Variants in PIP5K1B observed in about 807,000 individuals in gnomAD.
The protein encoded by PIP5K1B is phosphatidylinositol-4-phosphate 5-kinase type 1 beta.
In PIP5K1B, 42 loss-of-function variants were observed where a neutral mutation model predicts 67.0. That is an observed-to-expected ratio of 0.63 (90% CI 0.49 to 0.81). The LOEUF is 0.81. Among genes scored for constraint, PIP5K1B ranks in the 30% least tolerant of loss-of-function variants. The pLI is 0.00. For missense variants in PIP5K1B, 459 were observed against 646.3 expected, an observed-to-expected ratio of 0.71 and a Z score of 3.14; for synonymous variants, 214 against 231.4, an observed-to-expected ratio of 0.92 and a Z score of 0.68.
intron 2 of PIP5K1B, among the ~76,000 whole-genome samples, chr9:68,798,988 T>C (rs1003419968): frequency 6.6e-6 from 1 of 152,228 alleles, no homozygotes. Flanking sequence ...TGAAGTTTAC[T>C]GACTTGAGTA....
intron 4 of PIP5K1B, among the ~76,000 whole-genome samples, chr9:68,860,237 C>T (rs572834355): frequency 3.0e-4 from 46 of 152,054 alleles, no homozygotes; most frequent in African/African-American, 1.0e-3. Flanking sequence ...CATTCTACTT[C>T]GAGTTCAACA....
At position 68,857,507 on chromosome 9, in the gene PIP5K1B, T is replaced by A. The variant is rs76987029; in HGVS notation, c.70-6330T>A. Among the ~76,000 whole-genome samples, 379 of 152,302 alleles carry A rather than the reference T, an allele frequency of 2.5e-3. 2 individuals are homozygous for A. The highest frequency in any genetic ancestry group is 3.8e-3 in the Non-Finnish European group (261 of 68,028). On this transcript the variant is annotated intron_variant, in intron 4 of 15. Coordinates refer to ENST00000265382, the MANE Select transcript of PIP5K1B (RefSeq NM_003558.4). Reference sequence around the variant, plus strand: ...GTGGGACAAATAAGTGGACTATGACTTGTTTCTTGAGTATAGGTTCACGGA... The same window carrying A: ...GTGGGACAAATAAGTGGACTATGACATGTTTCTTGAGTATAGGTTCACGGA...
chr9:68,931,706 G>T (rs1410922731), intron 12 of PIP5K1B, among the ~76,000 whole-genome samples: 1 of 152,212 alleles, frequency 6.6e-6, no homozygotes, highest in African/African-American at 2.4e-5. Context: ...AACATGGTAG[G>T]TTCCAATATG....
At chr9:68,848,800 A>C (rs1398439020) in intron 4 of PIP5K1B, among the ~76,000 whole-genome samples, 2 of 152,246 alleles carry the variant, frequency 1.3e-5, no homozygotes, top group Non-Finnish European at 2.9e-5. Context: ...ATTGCTGTAA[A>C]ATAATTGAAC....
intron 4 of PIP5K1B, among the ~76,000 whole-genome samples, chr9:68,861,925 G>A (rs887934083): frequency 2.7e-5 from 4 of 150,610 alleles, no homozygotes; most frequent in Non-Finnish European, 4.4e-5. Context: ...AAGAAACACT[G>A]AATGCACTGT....
intron 7 of PIP5K1B, among the ~76,000 whole-genome samples, chr9:68,889,755 G>T (rs1167648453): frequency 2.8e-5 from 4 of 140,962 alleles, no homozygotes; most frequent in Non-Finnish European, 6.2e-5. Context: ...AAAAAAAAAA[G>T]CTGGGAAATA....
chr9:68,957,903 T>TG (rs1414666037), intron 14 of PIP5K1B, among the ~76,000 whole-genome samples: 14 of 151,946 alleles, frequency 9.2e-5, no homozygotes, highest in African/African-American at 3.1e-4. Context: ...AGACAAGGTC[T>TG]GGCTCTGTTG....
intron 6 of PIP5K1B, among the ~76,000 whole-genome samples, chr9:68,878,858 A>G (rs1418292834): frequency 6.6e-6 from 1 of 152,218 alleles, no homozygotes; most frequent in Non-Finnish European, 1.5e-5. Flanking sequence ...CTTAAAAACT[A>G]CGAGGGATTT....
intron 2 of PIP5K1B, among the ~76,000 whole-genome samples, chr9:68,813,143 T>G (rs920025647): frequency 6.6e-6 from 1 of 152,168 alleles, no homozygotes; most frequent in African/African-American, 2.4e-5. Flanking sequence ...GGAAGACATT[T>G]CTGGACATGG....
At chr9:68,914,702 A>G (rs918462847) in intron 8 of PIP5K1B, among the ~76,000 whole-genome samples, 2 of 151,936 alleles carry the variant, frequency 1.3e-5, no homozygotes, top group South Asian at 4.2e-4. Context: ...GCAACAGAGC[A>G]AGACTCCATC....
At chr9:68,824,339 A>T in intron 4 of PIP5K1B, 2 of 491,158 alleles carry the variant, frequency 4.1e-6, no homozygotes, top group South Asian at 1.5e-5. Context: ...AGAGTTTGCT[A>T]AGTGTACCCT....
At chr9:68,724,374 A>T (rs1476843611) in intron 1 of PIP5K1B, among the ~76,000 whole-genome samples, 1 of 150,974 alleles carries the variant, frequency 6.6e-6, no homozygotes, top group Non-Finnish European at 1.5e-5. Context: ...AGCTATTTTC[A>T]GTCTTTTGTG....
chr9:68,971,983 T>C (rs1278628364), intron 14 of PIP5K1B, among the ~76,000 whole-genome samples: 1 of 152,224 alleles, frequency 6.6e-6, no homozygotes, highest in African/African-American at 2.4e-5. Flanking sequence ...AGGAGCTCTT[T>C]AGTTTAATTA....
intron 6 of PIP5K1B, 24 bp downstream of exon 6, chr9:68,876,818 C>T: frequency 1.8e-6 from 2 of 1,139,138 alleles, no homozygotes; most frequent in Non-Finnish European, 2.7e-6. Context: ...ATTTTTCTTC[C>T]TTCTATAGAA....
At chr9:68,835,925 G>C (rs561165267) in intron 4 of PIP5K1B, among the ~76,000 whole-genome samples, 2 of 149,730 alleles carry the variant, frequency 1.3e-5, no homozygotes, top group African/African-American at 4.9e-5. Flanking sequence ...GTCTGATTTA[G>C]TTTGAGGAAG....
chr9:68,764,067 A>G (rs1450017984), intron 2 of PIP5K1B, among the ~76,000 whole-genome samples: 1 of 123,642 alleles, frequency 8.1e-6, no homozygotes, highest in Non-Finnish European at 1.6e-5. Flanking sequence ...CCCCTCTACT[A>G]TAACTTCTTT....
intron 4 of PIP5K1B, among the ~76,000 whole-genome samples, chr9:68,852,269 G>A (rs1260571580): frequency 6.6e-6 from 1 of 152,118 alleles, no homozygotes; most frequent in African/African-American, 2.4e-5. Context: ...TTGCAAAGAT[G>A]TGGGAGAAAT....
At chr9:68,837,462 A>G (rs1335217289) in intron 4 of PIP5K1B, among the ~76,000 whole-genome samples, 2 of 152,142 alleles carry the variant, frequency 1.3e-5, no homozygotes, top group South Asian at 2.1e-4. Context: ...ACTTTTTCAG[A>G]TGATTTTTAT....
At chr9:68,715,478 G>A (rs552771505) in intron 1 of PIP5K1B, among the ~76,000 whole-genome samples, 11 of 152,304 alleles carry the variant, frequency 7.2e-5, no homozygotes, top group African/African-American at 2.6e-4. Context: ...AATGTTCTCA[G>A]CATCGGTCGA....
Sources: allele counts gnomAD v4.1 joint callset (sites outside exome capture counted in the v4.1 genomes callset), GRCh38; gene constraint gnomAD v4.1.1; transcripts MANE v1.5; gene names NCBI Gene and HGNC (gene_info 2026-07-23, HGNC 2026-07-21).